Variants in TRIM69 observed in about 807,000 individuals in gnomAD.
The protein encoded by TRIM69 is tripartite motif containing 69, also known as E3 ubiquitin-protein ligase TRIM69.
Under a neutral mutation model 37.7 loss-of-function variants are expected in TRIM69, and 29 were observed. That is an observed-to-expected ratio of 0.77 (90% CI 0.57 to 1.05). TRIM69 has a LOEUF of 1.05. Among genes scored for constraint, TRIM69 ranks in the 50% least tolerant of loss-of-function variants. TRIM69 has a pLI of 0.00. For synonymous variants in TRIM69, 209 were observed against 212.4 expected (o/e 0.98, Z 0.14); for missense variants, 596 against 579.9 (o/e 1.03, Z -0.28).
At chr15:44,746,087 T>C (rs1281917044) in intron 1 of TRIM69, among the ~76,000 whole-genome samples, 1 of 151,786 alleles carries the variant, frequency 6.6e-6, no homozygotes, top group African/African-American at 2.4e-5. Flanking sequence ...AATTAAACTA[T>C]TAAAAGCCAA....
At chr15:44,743,618 G>GA in intron 1 of TRIM69, among the ~76,000 whole-genome samples, 1 of 151,872 alleles carries the variant, frequency 6.6e-6, no homozygotes, top group East Asian at 1.9e-4. Context: ...AAATTTACAA[G>GA]AAAAAAACAA....
At chr15:44,756,566 T>G in intron 3 of TRIM69, 103 bp downstream of exon 3, 1 of 711,886 alleles carries the variant, frequency 1.4e-6, no homozygotes, top group South Asian at 1.8e-5. Flanking sequence ...ATCTACACAC[T>G]AAATGGTACC....
intron 6 of TRIM69, among the ~76,000 whole-genome samples, chr15:44,761,476 G>T (rs750636158): frequency 6.6e-6 from 1 of 151,998 alleles, no homozygotes; most frequent in African/African-American, 2.4e-5. Flanking sequence ...TTGTTTTGGT[G>T]GGAGGGTGGG....
intron 6 of TRIM69, among the ~76,000 whole-genome samples, chr15:44,764,498 A>G (rs1001104351): frequency 6.6e-6 from 1 of 152,128 alleles, no homozygotes; most frequent in Admixed American, 6.5e-5. Context: ...TTAGAGCAGG[A>G]GCTGGCACTT....
At chr15:44,755,457 C>A in intron 2 of TRIM69, 81 bp downstream of exon 2, 1 of 1,015,202 alleles carries the variant, frequency 9.9e-7, no homozygotes, top group Non-Finnish European at 1.5e-6. Flanking sequence ...TCTTCCAACC[C>A]CATCCCTTTA....
chr15:44,762,714 C>A (rs1195600655), intron 6 of TRIM69, among the ~76,000 whole-genome samples: 3 of 151,916 alleles, frequency 2.0e-5, no homozygotes, highest in Non-Finnish European at 4.4e-5. Flanking sequence ...CTTTTTATAT[C>A]TTTCTTATCT....
In TRIM69 at chr15:44,744,671, C is replaced by A. The variant is rs1359899812; in HGVS notation, c.6+7961C>A. On this transcript the variant is annotated intron_variant, in intron 1 of 6. Coordinates refer to ENST00000329464, the MANE Select transcript of TRIM69 (RefSeq NM_182985.5). Reference sequence around the variant, plus strand: ...TACTCAGGTTTTCCTCATTTCCCATCTTGGTGGTGGTTTTAAAGACAGCTG... The same window carrying A: ...TACTCAGGTTTTCCTCATTTCCCATATTGGTGGTGGTTTTAAAGACAGCTG... 2.0e-5 allele frequency among the ~76,000 whole-genome samples: 3 copies of A among 152,050 alleles called. No homozygotes were observed. The East Asian group carries it at 5.8e-4, about 29-fold the overall frequency.
intron 1 of TRIM69, among the ~76,000 whole-genome samples, chr15:44,749,581 TGAATA>T (rs1235405343): frequency 3.9e-5 from 6 of 152,366 alleles, no homozygotes; most frequent in South Asian, 4.1e-4. Context: ...CTTTTCTGAC[TGAATA>T]ATCTTCCATT....
intron 1 of TRIM69, among the ~76,000 whole-genome samples, chr15:44,750,231 T>C (rs74745222): frequency 0.016 from 2,385 of 152,328 alleles, 35 homozygotes; most frequent in Non-Finnish European, 0.021. Context: ...TGTGATGTCT[T>C]TATCTGTCTT....
intron 3 of TRIM69, chr15:44,757,662 T>C (rs2087679942): frequency 6.6e-6 from 1 of 152,190 alleles, no homozygotes; most frequent in South Asian, 2.1e-4. Flanking sequence ...TCAAGAGATC[T>C]TCCCACCTCA....
intron 1 of TRIM69, among the ~76,000 whole-genome samples, chr15:44,741,328 G>T (rs904053943): frequency 6.6e-6 from 1 of 151,896 alleles, no homozygotes; most frequent in Non-Finnish European, 1.5e-5. Flanking sequence ...TGTGTAGAGG[G>T]AAATTTATAG....
chr15:44,755,126 G>A lies in TRIM69; in HGVS notation c.233G>A (p.Cys78Tyr), dbSNP rs1194237644. The A allele has an allele frequency of 6.2e-7, 1 of 1,614,214 alleles. No individual in the cohort carries two copies. The highest frequency in any genetic ancestry group is 1.7e-5 in the Admixed American group (1 of 60,020). ...FWRLQAKETF[C>Y]PECKMLCQYN... Reference sequence around the variant, plus strand: ...AGGCTGCAAGCAAAGGAAACATTCTGTCCTGAGTGTAAGATGCTATGTCAG... The same window carrying A: ...AGGCTGCAAGCAAAGGAAACATTCTATCCTGAGTGTAAGATGCTATGTCAG... Residue 78 changes from cysteine to tyrosine, a missense_variant, in exon 2 of 7, where the codon TGT (cysteine) becomes TAT (tyrosine). Coordinates refer to ENST00000329464, the MANE Select transcript of TRIM69 (RefSeq NM_182985.5).
At chr15:44,739,311 G>A (rs1003752926) in intron 1 of TRIM69, among the ~76,000 whole-genome samples, 2 of 152,216 alleles carry the variant, frequency 1.3e-5, no homozygotes, top group Admixed American at 6.5e-5. Context: ...TGCAGAAGAC[G>A]GGTGATTTCT....
intron 1 of TRIM69, among the ~76,000 whole-genome samples, chr15:44,751,424 A>C (rs2087528299): frequency 6.6e-6 from 1 of 151,886 alleles, no homozygotes; most frequent in Admixed American, 6.6e-5. Context: ...CCTTTTAAAA[A>C]AATTATTATT....
intron 3 of TRIM69, chr15:44,758,395 G>A (rs2290331): frequency 0.81 from 510,935 of 629,658 alleles, 208,950 homozygotes; most frequent in Non-Finnish European, 0.84. Flanking sequence ...ATAGGAAACT[G>A]GAGGTCACTT....
In TRIM69 at chr15:44,767,618, AAGG is replaced by A. The variant is rs1417240385; in HGVS notation, c.1354_1356del (p.Gly452del). The A allele has an allele frequency of 2.5e-6, 4 of 1,614,214 alleles. No homozygotes were observed. Among genetic ancestry groups the A allele is most frequent in the Non-Finnish European group, 3.4e-6 (4 of 1,180,040 alleles). On this transcript the variant is annotated inframe_deletion, in exon 7 of 7. Coordinates refer to ENST00000329464, the MANE Select transcript of TRIM69 (RefSeq NM_182985.5). ...AAGGTGGGCATATACCTGGATTATGAAGGAGGACAGTTGTCCTTCTACAATGCT... is the reference window on the plus strand; with the variant it reads ...AAGGTGGGCATATACCTGGATTATGAAGGACAGTTGTCCTTCTACAATGCT...
At position 44,755,280 on chromosome 15, in the gene TRIM69, T is replaced by C. The variant is rs750616696; in HGVS notation, c.387T>C (p.Asp129=). Residue 129 remains aspartate, a synonymous_variant, in exon 2 of 7, where the codon GAT becomes GAC. Coordinates refer to ENST00000329464, the MANE Select transcript of TRIM69 (RefSeq NM_182985.5). ...ACCTGAAACTGTTCAGTAAACCAGATGGGAAACTGATCTGCTTTCAATGCA... is the reference window on the plus strand; with the variant it reads ...ACCTGAAACTGTTCAGTAAACCAGACGGGAAACTGATCTGCTTTCAATGCA... ...GENLKLFSKP[D]GKLICFQCKD... 5.6e-6 allele frequency: 9 copies of C among 1,614,126 alleles called. No homozygotes were observed. In the Admixed American group the frequency reaches 1.3e-4, roughly 24 times the overall value.
intron 1 of TRIM69, among the ~76,000 whole-genome samples, chr15:44,749,023 G>A (rs1318201120): frequency 6.6e-6 from 1 of 151,674 alleles, no homozygotes; most frequent in Non-Finnish European, 1.5e-5. Context: ...CGGGATTACA[G>A]GCACGTGACA....
intron 3 of TRIM69, 96 bp from the exon 4 acceptor site, chr15:44,758,525 G>T (rs963480049): frequency 3.1e-5 from 47 of 1,510,220 alleles, no homozygotes; most frequent in Non-Finnish European, 3.9e-5. Flanking sequence ...TTTCTGTGAT[G>T]GTATTTACCA....
Sources: allele counts gnomAD v4.1 joint callset (sites outside exome capture counted in the v4.1 genomes callset), GRCh38; gene constraint gnomAD v4.1.1; transcripts MANE v1.5; gene names NCBI Gene and HGNC (gene_info 2026-07-23, HGNC 2026-07-21).